Variants in XIRP2 observed in about 807,000 individuals in gnomAD.
The protein encoded by XIRP2 is xin actin binding repeat containing 2, also known as xin actin-binding repeat-containing protein 2.
A neutral mutation model predicts 277.0 loss-of-function variants in XIRP2; 236 were observed. That is an observed-to-expected ratio of 0.85 (90% CI 0.77 to 0.95). The LOEUF (loss-of-function observed/expected upper bound fraction) is 0.95, where lower values mean the gene tolerates loss of function less well. Among genes scored for constraint, XIRP2 ranks in the 40% least tolerant of loss-of-function variants. XIRP2 has a pLI of 0.00. For missense variants in XIRP2, 4,640 were observed against 4,157.5 expected, an observed-to-expected ratio of 1.12 and a Z score of -3.19; for synonymous variants, 1,490 against 1,416.5, an observed-to-expected ratio of 1.05 and a Z score of -1.17.
chr2:167,178,042 A>C (rs1038551663), intron 3 of XIRP2, among the ~76,000 whole-genome samples: 4 of 152,158 alleles, frequency 2.6e-5, no homozygotes, highest in Non-Finnish European at 4.4e-5. Context: ...AAAACAAAAA[A>C]AAAAAAAGCA....
chr2:167,178,041 A>C (rs536679753), intron 3 of XIRP2, among the ~76,000 whole-genome samples: 83 of 152,282 alleles, frequency 5.5e-4, no homozygotes, highest in South Asian at 1.4e-3. Context: ...AAAAACAAAA[A>C]AAAAAAAAGC....
intron 2 of XIRP2, among the ~76,000 whole-genome samples, chr2:166,937,032 T>A (rs1685538323): frequency 6.6e-6 from 1 of 152,206 alleles, no homozygotes; most frequent in South Asian, 2.1e-4. Flanking sequence ...ATATTGATTG[T>A]TCCTATCCAT....
chr2:167,214,226 G>GGAAGGAAGGAAGGAAGGAAGGAAGGA (rs1559024057), intron 4 of XIRP2, among the ~76,000 whole-genome samples: 16 of 67,294 alleles, frequency 2.4e-4, no homozygotes, highest in African/African-American at 6.0e-4. Context: ...GGGAGGGAGG[G>GGAAGGAAGGAAGGAAGGAAGGAAGGA]AGGAAGGAAG....
chr2:166,902,616 T>TGTG lies in XIRP2; in HGVS notation c.-18-849_-18-848insGTG, dbSNP rs767194346. Among the ~76,000 whole-genome samples, 7 of 151,646 alleles carry TGTG rather than the reference T, an allele frequency of 4.6e-5. No homozygotes were observed. The East Asian group carries it at 1.2e-3, about 25-fold the overall frequency. On this transcript the variant is annotated intron_variant, in intron 1 of 10. Coordinates refer to ENST00000409195, the MANE Select transcript of XIRP2 (RefSeq NM_152381.6). ...ATGATTTGTGTGTGTGTGTGTGTGT[T>TGTG]TGTGTTTCTGGTAAGAGTACACTTT...
At position 167,216,220 on chromosome 2, in the gene XIRP2, G is replaced by A. The variant is rs1194244600; in HGVS notation, c.724-1946G>A. On this transcript the variant is annotated intron_variant, in intron 4 of 10. Coordinates refer to ENST00000409195, the MANE Select transcript of XIRP2 (RefSeq NM_152381.6). Reference sequence around the variant, plus strand: ...GCATTACCATTCAGGACATAGGCGTGGGCAAGGACTTCATGTCCAAAACAC... The same window carrying A: ...GCATTACCATTCAGGACATAGGCGTAGGCAAGGACTTCATGTCCAAAACAC... 5.1e-5 allele frequency among the ~76,000 whole-genome samples: 3 copies of A among 58,556 alleles called. No homozygotes were observed. The South Asian group carries it at 2.1e-3, about 42-fold the overall frequency. 38.4% of individuals were successfully genotyped at this position (58,556 alleles called of 152,430 possible). A position where few individuals can be genotyped will look rare whatever the true frequency, so the allele number is the denominator to read the frequency against.
In XIRP2 at chr2:167,249,630, A is replaced by G; in HGVS notation, c.8238A>G (p.Lys2746=). Residue 2746 remains lysine, a synonymous_variant, in exon 9 of 11, where the codon AAA becomes AAG. Transcript: ENST00000409195. ...TTGATGTTCAAACCTTTACCAAAAA[A>G]CAATATCTGAAAACCAAGAAAACTG... The part of the protein sequence containing the change: ...SEIDVQTFTK[K]QYLKTKKTEA... The G allele has an allele frequency of 1.2e-6, 2 of 1,613,612 alleles. No homozygotes were observed. Among genetic ancestry groups the G allele is most frequent in the South Asian group, 1.1e-5 (1 of 91,070 alleles).
intron 5 of XIRP2, among the ~76,000 whole-genome samples, chr2:167,219,577 A>C (rs927950341): frequency 2.6e-5 from 4 of 152,180 alleles, no homozygotes; most frequent in Non-Finnish European, 5.9e-5. Context: ...GGCCACCTTC[A>C]TGGATGTGTG....
chr2:167,193,609 G>T (rs1398230941), intron 3 of XIRP2, among the ~76,000 whole-genome samples: 1 of 152,106 alleles, frequency 6.6e-6, no homozygotes, highest in South Asian at 2.1e-4. Context: ...TGGGCATGGT[G>T]CCTCACACCT....
intron 1 of XIRP2, among the ~76,000 whole-genome samples, chr2:166,891,916 G>T (rs1001895971): frequency 2.6e-5 from 4 of 152,148 alleles, no homozygotes; most frequent in African/African-American, 4.8e-5. Flanking sequence ...CCTTGGCAGA[G>T]AATCTGGCTT....
At chr2:167,174,183 G>A (rs1692774317) in intron 3 of XIRP2, among the ~76,000 whole-genome samples, 1 of 152,174 alleles carries the variant, frequency 6.6e-6, no homozygotes, top group Admixed American at 6.5e-5. Flanking sequence ...AGTTTCAGAA[G>A]GAATGGTACC....
chr2:167,240,114 C>A (rs900356509), intron 6 of XIRP2, 149 bp downstream of exon 6: 16 of 795,160 alleles, frequency 2.0e-5, no homozygotes, highest in Non-Finnish European at 2.7e-5. Flanking sequence ...AGTTGGAATT[C>A]TTTTAAAAGT....
At chr2:167,106,389 C>A (rs1389285632) in intron 2 of XIRP2, among the ~76,000 whole-genome samples, 1 of 151,660 alleles carries the variant, frequency 6.6e-6, no homozygotes. Flanking sequence ...CTATTGATAT[C>A]CAGTTGTTCC....
intron 2 of XIRP2, among the ~76,000 whole-genome samples, chr2:167,032,684 A>C (rs1413835120): frequency 6.6e-6 from 1 of 152,260 alleles, no homozygotes; most frequent in South Asian, 2.1e-4. Flanking sequence ...AGCCAAAAAT[A>C]TATGAAAAAA....
intron 2 of XIRP2, among the ~76,000 whole-genome samples, chr2:166,913,414 G>A (rs1167570480): frequency 2.0e-5 from 3 of 152,100 alleles, no homozygotes; most frequent in Admixed American, 2.0e-4. Flanking sequence ...GCCAGGCATG[G>A]GATATAATCT....
chr2:167,035,151 A>G (rs1181746396), intron 2 of XIRP2, among the ~76,000 whole-genome samples: 1 of 152,206 alleles, frequency 6.6e-6, no homozygotes, highest in African/African-American at 2.4e-5. Context: ...CTTGATCAGC[A>G]GCATGAACAT....
intron 3 of XIRP2, among the ~76,000 whole-genome samples, chr2:167,145,186 T>G (rs1216707499): frequency 6.6e-6 from 1 of 152,140 alleles, no homozygotes; most frequent in African/African-American, 2.4e-5. Context: ...ACTACATGTG[T>G]TAAACATTAA....
chr2:166,983,200 T>G (rs1686919786), intron 2 of XIRP2, among the ~76,000 whole-genome samples: 1 of 152,208 alleles, frequency 6.6e-6, no homozygotes, highest in Admixed American at 6.5e-5. Context: ...TGATCTATCT[T>G]TAAGTTTACT....
intron 2 of XIRP2, among the ~76,000 whole-genome samples, chr2:167,068,748 C>T (rs955417455): frequency 6.6e-6 from 1 of 152,146 alleles, no homozygotes; most frequent in Non-Finnish European, 1.5e-5. Flanking sequence ...TTGTCCAACC[C>T]ATGGCCCAGG....
intron 2 of XIRP2, among the ~76,000 whole-genome samples, chr2:167,098,964 G>A (rs957912624): frequency 6.6e-6 from 1 of 152,164 alleles, no homozygotes; most frequent in Admixed American, 6.5e-5. Context: ...GAGCTCTCCT[G>A]TATGAGGTGT....
Sources: gnomAD v4.1 joint callset for allele counts (sites outside exome capture counted in the v4.1 genomes callset) on GRCh38, gnomAD v4.1.1 for gene constraint, MANE v1.5 for transcripts, NCBI Gene and HGNC (gene_info 2026-07-23, HGNC 2026-07-21) for gene names.